SRPRB: variants seen among roughly 807,000 people sequenced by gnomAD.
The protein encoded by SRPRB is SRP receptor subunit beta, also known as signal recognition particle receptor subunit beta.
A neutral mutation model predicts 31.9 loss-of-function variants in SRPRB; 20 were observed. That is an observed-to-expected ratio of 0.63 (90% CI 0.44 to 0.91). The LOEUF (loss-of-function observed/expected upper bound fraction) is 0.91, where lower values mean the gene tolerates loss of function less well. SRPRB is among the 40% of genes least tolerant of loss of function. SRPRB has a pLI of 0.00. For synonymous variants in SRPRB, 146 were observed against 132.8 expected (o/e 1.10, Z -0.68); for missense variants, 321 against 324.9 (o/e 0.99, Z 0.09).
intron 1 of SRPRB, chr3:133,796,290 A>G (rs1934968586): frequency 6.6e-6 from 1 of 152,474 alleles, no homozygotes; most frequent in African/African-American, 2.4e-5. Context: ...TCAAGCCAAC[A>G]TGAAGCAGTT....
chr3:133,794,850 T>C (rs982589758), intron 1 of SRPRB: 9 of 152,156 alleles, frequency 5.9e-5, no homozygotes, highest in Non-Finnish European at 1.0e-4. Flanking sequence ...TTTCCTTGCT[T>C]TTGCCTCTAT....
chr3:133,805,695 A>G, upstream of SRPRB: 1 of 904,340 alleles, frequency 1.1e-6, no homozygotes, highest in Non-Finnish European at 1.6e-6. Context: ...GTCCCAGAGA[A>G]CTACAACTCC....
downstream of SRPRB, chr3:133,827,794 G>A (rs1296401730): frequency 6.0e-6 from 2 of 332,376 alleles, no homozygotes; most frequent in Non-Finnish European, 5.9e-6. Context: ...ACTCCAGGTG[G>A]TCCAGCTTCC....
downstream of SRPRB, among the ~76,000 whole-genome samples, chr3:133,822,462 C>A (rs965522155): frequency 2.0e-5 from 3 of 152,134 alleles, no homozygotes; most frequent in African/African-American, 7.2e-5. Context: ...CCTTTGGCTC[C>A]TCTCCAGTCC....
intron 1 of SRPRB, chr3:133,784,807 C>A (rs1934615583): frequency 6.6e-6 from 1 of 152,224 alleles, no homozygotes; most frequent in Non-Finnish European, 1.5e-5. Context: ...GGGCAGAAGA[C>A]CTGAGAAGGA....
chr3:133,807,251 T>C (rs1360213090), intron 2 of SRPRB, among the ~76,000 whole-genome samples: 17 of 73,068 alleles, frequency 2.3e-4, no homozygotes, highest in African/African-American at 8.5e-4. Context: ...ATACCTCCAT[T>C]TTTTTTTTTT....
downstream of SRPRB, among the ~76,000 whole-genome samples, chr3:133,822,583 T>C (rs896404978): frequency 3.3e-5 from 5 of 152,334 alleles, no homozygotes; most frequent in African/African-American, 1.2e-4. Context: ...TTCTTCCCAC[T>C]GCCTCTGTCT....
At chr3:133,801,589 A>G (rs1416826842), upstream of SRPRB, among the ~76,000 whole-genome samples, 1 of 152,188 alleles carries the variant, frequency 6.6e-6, no homozygotes, top group Non-Finnish European at 1.5e-5. Flanking sequence ...TCAGCGAGTT[A>G]AGACAGTTAC....
chr3:133,823,188 G>A (rs573530342), downstream of SRPRB, among the ~76,000 whole-genome samples: 13 of 152,344 alleles, frequency 8.5e-5, no homozygotes, highest in Non-Finnish European at 1.6e-4. Flanking sequence ...CCTCTGAAGT[G>A]CCAGTGTTCC....
upstream of SRPRB, among the ~76,000 whole-genome samples, chr3:133,803,874 A>C (rs1028538027): frequency 5.3e-5 from 8 of 151,696 alleles, no homozygotes; most frequent in Non-Finnish European, 1.0e-4. Flanking sequence ...AGGTGGGTGG[A>C]TCACGAGGTT....
rs1935461625 is a variant in SRPRB at position 133,820,952 on chromosome 3, G to C, written c.*1186G>C. ...AAGGAGACCAGGGTGGCTCTGTCCA[G>C]GGGAGAAGCCAGTTATGGAACAGTG... On this transcript the variant is annotated 3_prime_UTR_variant, in exon 7 of 7. Transcript: ENST00000678299. 6.6e-6 allele frequency: 1 copy of C among 152,364 alleles called. No individual in the cohort carries two copies. The highest frequency in any genetic ancestry group is 1.5e-5 in the Non-Finnish European group (1 of 68,174). The allele number at this position is 152,364 out of a possible 1,614,324, so 9.4% of individuals were successfully genotyped here. A position where few individuals can be genotyped will look rare whatever the true frequency, so the allele number is the denominator to read the frequency against.
At chr3:133,821,852 T>G (rs765297582), downstream of SRPRB, among the ~76,000 whole-genome samples, 3 of 152,166 alleles carry the variant, frequency 2.0e-5, no homozygotes, top group Non-Finnish European at 4.4e-5. Context: ...TTTACTTTGT[T>G]TTTAAAGTCT....
At chr3:133,784,455 T>C (rs1934598976) in intron 1 of SRPRB, 2 of 113,014 alleles carry the variant, frequency 1.8e-5, no homozygotes, top group South Asian at 2.8e-4. Flanking sequence ...ATCTTGTAAA[T>C]TCCCATTTGT....
At chr3:133,814,930 A>C (rs1935340862) in intron 4 of SRPRB, among the ~76,000 whole-genome samples, 2 of 152,236 alleles carry the variant, frequency 1.3e-5, no homozygotes, top group Admixed American at 1.3e-4. Context: ...TTCATAAGAC[A>C]GAAAAGCATG....
chr3:133,791,932 G>A (rs1934849203), intron 1 of SRPRB: 1 of 152,110 alleles, frequency 6.6e-6, no homozygotes, highest in South Asian at 2.1e-4. Flanking sequence ...AAAATGTAAT[G>A]CCTTCTATTT....
chr3:133,827,927 T>C, downstream of SRPRB: 1 of 702,804 alleles, frequency 1.4e-6, no homozygotes, highest in South Asian at 1.5e-5. Context: ...TTTTCAGAAG[T>C]ACACATGGCA....
At chr3:133,819,460 GT>G in intron 6 of SRPRB, 92 bp from the exon 7 acceptor site, 1 of 1,187,532 alleles carries the variant, frequency 8.4e-7, no homozygotes, top group Non-Finnish European at 1.2e-6. Context: ...CTATAGTTAA[GT>G]TTTAAATGAG....
chr3:133,801,627 C>T (rs1231230808), upstream of SRPRB, among the ~76,000 whole-genome samples: 1 of 152,214 alleles, frequency 6.6e-6, no homozygotes, highest in Admixed American at 6.5e-5. Flanking sequence ...TCTGGCTCTT[C>T]CTTCTTCCCT....
chr3:133,805,648 T>C (rs993408145), upstream of SRPRB: 5 of 505,458 alleles, frequency 9.9e-6, no homozygotes, highest in Non-Finnish European at 1.6e-5. Context: ...CCTCGACAAA[T>C]AACCTGTCTG....
Sources: gnomAD v4.1 joint callset for allele counts (sites outside exome capture counted in the v4.1 genomes callset) on GRCh38, gnomAD v4.1.1 for gene constraint, MANE v1.5 for transcripts, NCBI Gene and HGNC (gene_info 2026-07-23, HGNC 2026-07-21) for gene names.